Variants in MYL1 observed in about 807,000 individuals in gnomAD.
MYL1 encodes the protein myosin light chain 1.
Under a neutral mutation model 21.8 loss-of-function variants are expected in MYL1, and 16 were observed. That is an observed-to-expected ratio of 0.74 (90% CI 0.50 to 1.12). The LOEUF is 1.12. Ranked by LOEUF, MYL1 falls within the 50% of genes most tolerant of loss-of-function variation. The probability of loss-of-function intolerance (pLI) is 0.00; values close to 1 mark genes in which losing one functional copy is unlikely to be tolerated. For synonymous variants in MYL1, 99 were observed against 85.2 expected, an observed-to-expected ratio of 1.16 and a Z score of -0.89; for missense variants, 246 against 241.0, an observed-to-expected ratio of 1.02 and a Z score of -0.14.
intron 5 of MYL1, 33 bp downstream of exon 5, chr2:210,293,690 G>T: frequency 6.3e-7 from 1 of 1,592,186 alleles, no homozygotes; most frequent in Non-Finnish European, 8.6e-7. Flanking sequence ...TCAGTTAAGA[G>T]TTGCTGTAAC....
At chr2:210,294,216 A>C (rs1248928189) in intron 4 of MYL1, 29 bp downstream of exon 4, 1 of 1,584,524 alleles carries the variant, frequency 6.3e-7, no homozygotes, top group Admixed American at 1.8e-5. Context: ...ATTCTGTCTC[A>C]CTAAGTCCAC....
chr2:210,294,292 T>C lies in MYL1; in HGVS notation c.431A>G (p.Asn144Ser), dbSNP rs1690135324. 1.9e-6 allele frequency: 3 copies of C among 1,613,906 alleles called. No homozygotes were observed. Among genetic ancestry groups the C allele is most frequent in the Non-Finnish European group, 2.5e-6 (3 of 1,179,954 alleles). ...EGLRVFDKEG[N>S]GTVMGAELRH... ...GAGTTCAGCACCCATGACTGTGCCA[T>C]TGCCTTCCTTGTCAAAGACACGCAG... Residue 144 changes from asparagine to serine, a missense_variant, in exon 4 of 7, where the codon AAT becomes AGT. Coordinates refer to ENST00000352451, the MANE Select transcript of MYL1 (RefSeq NM_079420.3).
intron 4 of MYL1, among the ~76,000 whole-genome samples, 158 bp from the exon 5 acceptor site, chr2:210,293,958 G>GT (rs1690126611): frequency 1.3e-5 from 2 of 152,140 alleles, no homozygotes; most frequent in East Asian, 3.8e-4. Flanking sequence ...CAACTAATTG[G>GT]TTTTTGAATG....
At chr2:210,301,526 G>A (rs997434575) in intron 2 of MYL1, among the ~76,000 whole-genome samples, 7 of 151,846 alleles carry the variant, frequency 4.6e-5, no homozygotes, top group South Asian at 2.1e-4. Context: ...TCTAATATAT[G>A]TAATATAGAC....
intron 3 of MYL1, among the ~76,000 whole-genome samples, chr2:210,296,666 C>T (rs6735292): frequency 0.086 from 13,117 of 152,094 alleles, 603 homozygotes; most frequent in Middle Eastern, 0.13. Flanking sequence ...TGTGGTGGTG[C>T]ACATCTGTAG....
intron 2 of MYL1, 109 bp from the exon 3 acceptor site, chr2:210,298,672 C>G: frequency 8.3e-7 from 1 of 1,201,564 alleles, no homozygotes; most frequent in South Asian, 1.5e-5. Flanking sequence ...CAACTTCTGC[C>G]AACTATGCAA....
rs1690119423 is a variant in MYL1, at chr2:210,293,703, C to G, written c.556+20G>C. The G allele has an allele frequency of 1.2e-6, 2 of 1,610,836 alleles. No homozygotes were observed. ...GATCAGTTAAGAGTTGCTGTAACCA[C>G]CAGTGAGCATTGATTCTACCTTCGT... is the stretch of plus-strand genomic sequence containing the variant. On this transcript the variant is annotated intron_variant, in intron 5 of 6. Coordinates refer to ENST00000352451, the MANE Select transcript of MYL1 (RefSeq NM_079420.3).
Position 210,294,346 on chromosome 2 carries a change from T to C in MYL1, c.377A>G (p.Gln126Arg). The change falls in exon 4 of 7, where the codon CAG becomes CGG. Residue 126 changes from glutamine (Q) to arginine (R), a missense_variant. Gln to Arg is a conservative substitution (Grantham distance 43, BLOSUM62 1). Coordinates refer to ENST00000352451, the MANE Select transcript of MYL1 (RefSeq NM_079420.3). ...MMQAISNNKD[Q>R]ATYEDFVEGL... is the part of the protein sequence containing the mutation. ...CTCAACAAAGTCTTCATAGGTGGCCTGGTCCTTGTTGTTGGAAATGGCTTG... is the reference window on the plus strand; with the variant it reads ...CTCAACAAAGTCTTCATAGGTGGCCCGGTCCTTGTTGTTGGAAATGGCTTG... 8 of 1,614,074 alleles carry C rather than the reference T, an allele frequency of 5.0e-6. No homozygotes were observed. Among genetic ancestry groups the C allele is most frequent in the Non-Finnish European group, 6.8e-6 (8 of 1,179,956 alleles).
chr2:210,300,126 C>G (rs1458864131), intron 2 of MYL1, among the ~76,000 whole-genome samples: 3 of 152,130 alleles, frequency 2.0e-5, no homozygotes, highest in African/African-American at 7.2e-5. Context: ...ACATGTGAAA[C>G]TGAACTATTC....
chr2:210,296,216 G>A (rs1244348979), intron 3 of MYL1, among the ~76,000 whole-genome samples: 2 of 152,144 alleles, frequency 1.3e-5, no homozygotes, highest in African/African-American at 2.4e-5. Flanking sequence ...TTGGATACAT[G>A]TGTATAATGT....
chr2:210,300,142 A>G (rs1690241888), intron 2 of MYL1, among the ~76,000 whole-genome samples: 1 of 152,146 alleles, frequency 6.6e-6, no homozygotes, highest in Non-Finnish European at 1.5e-5. Context: ...TATTCTTGTT[A>G]CTGGCTTCAG....
rs1281083050 is a variant in MYL1 at position 210,314,990 on chromosome 2, G to A, written c.53C>T (p.Pro18Leu). 1.2e-6 allele frequency: 2 copies of A among 1,609,456 alleles called. No homozygotes were observed. Among genetic ancestry groups the A allele is most frequent in the Non-Finnish European group, 1.7e-6 (2 of 1,178,790 alleles). Residue 18 changes from proline (P) to leucine (L), a missense_variant, in exon 1 of 7, where the codon CCA becomes CTA. Physicochemically the swap from Pro to Leu is moderately conservative, Grantham distance 98. Transcript: ENST00000352451. ...KKPVAAAAAA[P>L]APAPAPAPAP... ...AGGTGCAGGTGCCGGTGCCGGGGCT[G>A]GGGCAGCCGCAGCCGCAGCCACAGG...
intron 5 of MYL1, among the ~76,000 whole-genome samples, chr2:210,293,448 C>A (rs1339507102): frequency 6.6e-6 from 1 of 152,188 alleles, no homozygotes; most frequent in Non-Finnish European, 1.5e-5. Flanking sequence ...ATTCTGACAT[C>A]AGCCCTGTCT....
intron 2 of MYL1, among the ~76,000 whole-genome samples, chr2:210,299,516 C>T (rs1331262115): frequency 1.3e-5 from 2 of 152,152 alleles, no homozygotes; most frequent in Non-Finnish European, 2.9e-5. Flanking sequence ...TATACACAGC[C>T]ATTCCCATTC....
chr2:210,302,939 A>G (rs1690287088), intron 1 of MYL1: 1 of 688,688 alleles, frequency 1.5e-6, no homozygotes, highest in African/African-American at 1.8e-5. Context: ...ATACTTTTGA[A>G]TCTAGGAACA....
chr2:210,306,071 T>A (rs1384361749), intron 1 of MYL1, among the ~76,000 whole-genome samples: 1 of 99,180 alleles, frequency 1.0e-5, no homozygotes. Flanking sequence ...AAAAAAAAAA[T>A]AAATTAAAAA....
intron 2 of MYL1, among the ~76,000 whole-genome samples, chr2:210,300,177 A>C (rs903361278): frequency 6.6e-6 from 1 of 152,162 alleles, no homozygotes; most frequent in African/African-American, 2.4e-5. Flanking sequence ...ACTGCTCAGC[A>C]GGCTCACTAT....
intron 1 of MYL1, among the ~76,000 whole-genome samples, chr2:210,311,584 C>G (rs1293609857): frequency 6.6e-6 from 1 of 152,030 alleles, no homozygotes; most frequent in East Asian, 1.9e-4. Context: ...ACAATCCTAT[C>G]ACCTCACAGC....
At chr2:210,299,103 C>T (rs945335367) in intron 2 of MYL1, among the ~76,000 whole-genome samples, 2 of 152,090 alleles carry the variant, frequency 1.3e-5, no homozygotes, top group African/African-American at 4.8e-5. Flanking sequence ...AAAGGTGAGA[C>T]AAATCTATAC....
Sources: gnomAD v4.1 joint callset for allele counts (sites outside exome capture counted in the v4.1 genomes callset) on GRCh38, gnomAD v4.1.1 for gene constraint, MANE v1.5 for transcripts, NCBI Gene and HGNC (gene_info 2026-07-23, HGNC 2026-07-21) for gene names.